ODR4: variants seen among roughly 807,000 people sequenced by gnomAD.
ODR4 encodes the protein odr-4 GPCR localization factor homolog, also known as protein odr-4 homolog.
A neutral mutation model predicts 60.2 loss-of-function variants in ODR4; 47 were observed. That is an observed-to-expected ratio of 0.78 (90% CI 0.62 to 1.00). ODR4 has a LOEUF of 1.00. Among genes scored for constraint, ODR4 ranks in the 50% least tolerant of loss-of-function variants. The pLI is 0.00. For synonymous variants in ODR4, 178 were observed against 175.5 expected, an observed-to-expected ratio of 1.01 and a Z score of -0.11; for missense variants, 488 against 530.8, an observed-to-expected ratio of 0.92 and a Z score of 0.79.
intron 8 of ODR4, 113 bp from the exon 9 acceptor site, chr1:186,393,834 T>G (rs1660561542): frequency 7.8e-6 from 5 of 639,088 alleles, no homozygotes; most frequent in Admixed American, 6.5e-5. Flanking sequence ...ATTAAAATAA[T>G]TAAAAGACTT....
intron 3 of ODR4, among the ~76,000 whole-genome samples, 198 bp from the exon 4 acceptor site, chr1:186,385,790 A>G (rs991552410): frequency 3.3e-5 from 5 of 152,296 alleles, no homozygotes; most frequent in Admixed American, 6.5e-5. Flanking sequence ...ACGCCATTGA[A>G]AAAATATTTC....
At chr1:186,427,906 C>T in the ODR4 span, among the ~76,000 whole-genome samples, 1 of 152,200 alleles carries the variant, frequency 6.6e-6, no homozygotes, top group South Asian at 2.1e-4. Context: ...GTTTTCTGAG[C>T]ATTAAGTTTC....
intron 2 of ODR4, among the ~76,000 whole-genome samples, chr1:186,382,251 A>G (rs2737310): frequency 2.8e-4 from 38 of 136,338 alleles, no homozygotes; most frequent in African/African-American, 1.1e-3. Flanking sequence ...CAAAAAAGTA[A>G]AAAAAAAAAA....
rs142469334 is a variant in ODR4 at position 186,397,893 on chromosome 1, A to T, written c.781-420A>T. On this transcript the variant is annotated intron_variant, in intron 9 of 13. Transcript: ENST00000287859. Reference sequence around the variant, plus strand: ...CATTGCTTGTAGTTTTACCATAGTTATCACATCCCACTTTGTATTTGTTAT... The same window carrying T: ...CATTGCTTGTAGTTTTACCATAGTTTTCACATCCCACTTTGTATTTGTTAT... 1.3e-3 allele frequency among the ~76,000 whole-genome samples: 198 copies of T among 152,330 alleles called. 5 individuals carry two copies. The highest frequency in any genetic ancestry group is 0.011 in the Admixed American group (174 of 15,302).
At chr1:186,433,831 G>C in the ODR4 span, among the ~76,000 whole-genome samples, 1 of 152,018 alleles carries the variant, frequency 6.6e-6, no homozygotes, top group African/African-American at 2.4e-5. Flanking sequence ...CACCCACCTC[G>C]GCCTCCCAAA....
chr1:186,388,561 C>A lies in ODR4; in HGVS notation c.437+13C>A. On this transcript the variant is annotated intron_variant, in intron 5 of 13. Coordinates refer to ENST00000287859, the MANE Select transcript of ODR4 (RefSeq NM_017847.6). ...CTTCTACAAAAAAGTATCTTTTGTTCAGTTTATGGTTTAAAAGTACAAAGT... is the reference window on the plus strand; with the variant it reads ...CTTCTACAAAAAAGTATCTTTTGTTAAGTTTATGGTTTAAAAGTACAAAGT... 2.8e-6 allele frequency: 4 copies of A among 1,432,980 alleles called. No homozygotes were observed. Among genetic ancestry groups the A allele is most frequent in the Non-Finnish European group, 3.8e-6 (4 of 1,058,768 alleles). 88.8% of individuals were successfully genotyped at this position (1,432,980 alleles called of 1,614,324 possible).
At position 186,388,503 on chromosome 1, in the gene ODR4, A is replaced by G. The variant is rs1231093046; in HGVS notation, c.392A>G (p.Glu131Gly). The G allele has an allele frequency of 6.4e-7, 1 of 1,571,288 alleles. No individual in the cohort carries two copies. The highest frequency in any genetic ancestry group is 8.6e-7 in the Non-Finnish European group (1 of 1,157,880). The change falls in exon 5 of 14, where the codon GAA (glutamate) becomes GGA (glycine). Residue 131 changes from glutamate to glycine, a missense_variant. Physicochemically the swap from Glu to Gly is moderately conservative, Grantham distance 98. Transcript: ENST00000287859. The stretch of plus-strand genomic sequence containing the variant: ...AGATTGTGGAATTTCACAGAGGAGG[A>G]AGTCTCAGAACGAGTGACACTTCAC... ...RKRLWNFTEE[E>G]VSERVTLHIC... is the part of the protein sequence containing the mutation.
At chr1:186,414,506 G>A (rs1401444226) in intron 12 of ODR4, among the ~76,000 whole-genome samples, 1 of 150,744 alleles carries the variant, frequency 6.6e-6, no homozygotes, top group Non-Finnish European at 1.5e-5. Flanking sequence ...CCCAAATATG[G>A]GGGAAAAAAA....
chr1:186,408,907 G>A (rs1661271518), intron 12 of ODR4, among the ~76,000 whole-genome samples: 1 of 151,882 alleles, frequency 6.6e-6, no homozygotes. Context: ...TCTGTCTTAA[G>A]TATTTTTAAC....
At chr1:186,391,365 AGAC>A (rs1660462739) in intron 7 of ODR4, among the ~76,000 whole-genome samples, 1 of 138,432 alleles carries the variant, frequency 7.2e-6, no homozygotes. Flanking sequence ...TTTATTTTTT[AGAC>A]TTATTTGATG....
the ODR4 span, among the ~76,000 whole-genome samples, chr1:186,432,011 T>C: frequency 6.6e-6 from 1 of 152,100 alleles, no homozygotes; most frequent in Non-Finnish European, 1.5e-5. Context: ...TTTTTGAGGA[T>C]GTTAGATTCT....
intron 11 of ODR4, chr1:186,401,498 T>C (rs1451840811): frequency 3.0e-5 from 6 of 198,146 alleles, no homozygotes; most frequent in Non-Finnish European, 5.5e-5. Context: ...CTTTCTTTCT[T>C]TCTCTCTCTC....
Position 186,419,125 on chromosome 1 carries a change from A to G in ODR4, c.*49A>G. ...ATCATCCAGAGAACATTGACAGACAATTATGAATAATAAAGATGTTAACAA... is the reference window on the plus strand; with the variant it reads ...ATCATCCAGAGAACATTGACAGACAGTTATGAATAATAAAGATGTTAACAA... On this transcript the variant is annotated 3_prime_UTR_variant, in exon 14 of 14. Coordinates refer to ENST00000287859, the MANE Select transcript of ODR4 (RefSeq NM_017847.6). 1 of 1,441,512 alleles carries G rather than the reference A, an allele frequency of 6.9e-7. No individual in the cohort carries two copies. Among genetic ancestry groups the G allele is most frequent in the Non-Finnish European group, 9.6e-7 (1 of 1,036,330 alleles). The allele number at this position is 1,441,512 out of a possible 1,614,324, so 89.3% of individuals were successfully genotyped here. A position where few individuals can be genotyped will look rare whatever the true frequency, so the allele number is the denominator to read the frequency against.
intron 12 of ODR4, among the ~76,000 whole-genome samples, chr1:186,408,526 T>C (rs2102076522): frequency 6.7e-6 from 1 of 149,938 alleles, no homozygotes; most frequent in East Asian, 1.9e-4. Context: ...ATAATGTTTA[T>C]ATATAATATA....
At chr1:186,384,221 G>A (rs1320911328) in intron 3 of ODR4, among the ~76,000 whole-genome samples, 12 of 152,284 alleles carry the variant, frequency 7.9e-5, no homozygotes, top group Non-Finnish European at 2.9e-5. Context: ...GTTCATGTCA[G>A]AAGGCAGATT....
intron 8 of ODR4, among the ~76,000 whole-genome samples, chr1:186,392,468 G>A (rs767047864): frequency 3.9e-5 from 6 of 152,268 alleles, no homozygotes; most frequent in African/African-American, 7.2e-5. Flanking sequence ...AAAACAGAAC[G>A]AGATCATGTC....
At position 186,400,836 on chromosome 1, in the gene ODR4, A is replaced by C. The variant is rs747546015; in HGVS notation, c.1000+1792A>C. 138 of 415,222 alleles carry C rather than the reference A, an allele frequency of 3.3e-4. No individual in the cohort carries two copies. In the Middle Eastern group the frequency reaches 3.9e-3, roughly 12 times the overall value. 25.7% of individuals were successfully genotyped at this position (415,222 alleles called of 1,614,324 possible). Reference sequence around the variant, plus strand: ...TTGCTGGAACATGAATTTGAATCTTACATGCAACAATTGGATTGAGAGTTT... The same window carrying C: ...TTGCTGGAACATGAATTTGAATCTTCCATGCAACAATTGGATTGAGAGTTT... On this transcript the variant is annotated intron_variant, in intron 11 of 13. Transcript: ENST00000287859.
chr1:186,408,985 CTTTTT>C (rs1661274045), intron 12 of ODR4, among the ~76,000 whole-genome samples: 1 of 150,136 alleles, frequency 6.7e-6, no homozygotes, highest in Non-Finnish European at 1.5e-5. Flanking sequence ...TTATTCAGTT[CTTTTT>C]AAGTTAATAT....
At position 186,398,395 on chromosome 1, in the gene ODR4, G is replaced by C. The variant is rs1459942711; in HGVS notation, c.863G>C (p.Arg288Thr). 1 of 1,610,830 alleles carries C rather than the reference G, an allele frequency of 6.2e-7. No homozygotes were observed. Among genetic ancestry groups the C allele is most frequent in the Non-Finnish European group, 8.5e-7 (1 of 1,178,244 alleles). The change falls in exon 10 of 14, where the codon AGA (arginine) becomes ACA (threonine). Residue 288 changes from arginine (R) to threonine (T), a missense_variant. Transcript: ENST00000287859. ...SVNLKGAVKC[R>T]AYIHSSKPKV... ...AACCTTAAGGGTGCTGTGAAATGCA[G>C]AGCTTATATCCACAGCAGTAAACCC...
Sources: allele counts gnomAD v4.1 joint callset (sites outside exome capture counted in the v4.1 genomes callset), GRCh38; gene constraint gnomAD v4.1.1; transcripts MANE v1.5; gene names NCBI Gene and HGNC (gene_info 2026-07-23, HGNC 2026-07-21).